The following PPL variants were observed in gnomAD, a reference collection of about 807,000 sequenced individuals.
The protein encoded by PPL is periplakin.
A neutral mutation model predicts 194.4 loss-of-function variants in PPL; 198 were observed. That is an observed-to-expected ratio of 1.02 (90% confidence interval 0.91 to 1.15). The LOEUF (loss-of-function observed/expected upper bound fraction) is 1.15. PPL is among the 50% of genes most tolerant of loss of function. The probability of loss-of-function intolerance (pLI) is 0.00; values close to 1 mark genes in which losing one functional copy is unlikely to be tolerated. For missense variants in PPL, 2,885 were observed against 2,294.8 expected, an observed-to-expected ratio of 1.26 and a Z score of -5.25; for synonymous variants, 1,220 against 972.4, an observed-to-expected ratio of 1.25 and a Z score of -4.74.
intron 11 of PPL, 97 bp downstream of exon 11, chr16:4,895,164 G>A (rs980466902): frequency 1.0e-5 from 14 of 1,400,506 alleles, no homozygotes; most frequent in African/African-American, 4.3e-5. Context: ...ACGGAGACAG[G>A]CACAGGCTCC....
At chr16:4,921,210 A>AAATGGAAC (rs1447019803) in intron 1 of PPL, among the ~76,000 whole-genome samples, 14 of 152,224 alleles carry the variant, frequency 9.2e-5, no homozygotes, top group African/African-American at 2.9e-4. Context: ...AAGCAAGGAA[A>AAATGGAAC]AATGGAACCA....
chr16:4,897,842 A>G (rs1056699083), intron 8 of PPL, 72 bp from the exon 9 acceptor site: 8 of 1,293,216 alleles, frequency 6.2e-6, no homozygotes, highest in African/African-American at 1.5e-5. Flanking sequence ...CTGCTGGGAT[A>G]TTGGGCTGGG....
Position 4,884,484 on chromosome 16 carries a change from G to GCCGCAGCTCTGC in PPL, c.4159_4170dup (p.Ala1387_Arg1390dup), listed in dbSNP as rs1487937338. The GCCGCAGCTCTGC allele has an allele frequency of 1.3e-5, 21 of 1,603,634 alleles. No individual in the cohort carries two copies. Among genetic ancestry groups the GCCGCAGCTCTGC allele is most frequent in the East Asian group, 1.1e-4 (5 of 44,812 alleles). On this transcript the variant is annotated inframe_insertion, in exon 22 of 22. Transcript: ENST00000345988. This position sits in a 1 kb window ranked among gnomAD's most constrained non-coding sequence, Gnocchi z 5.7. ...AGCTCGGTGCGCCGGCGCTGCAGCC[G>GCCGCAGCTCTGC]CCGCAGCTCTGCCCGCAGCTTGTCA...
chr16:4,899,475 C>G (rs7188437), intron 6 of PPL, 91 bp from the exon 7 acceptor site: 1,245 of 704,688 alleles, frequency 1.8e-3, no homozygotes, highest in Admixed American at 5.8e-3. Context: ...CCAGCTATGG[C>G]TGGCCTGAGG....
chr16:4,899,179 C>T, intron 7 of PPL, 44 bp downstream of exon 7: 1 of 1,613,592 alleles, frequency 6.2e-7, no homozygotes, highest in Non-Finnish European at 8.5e-7. Flanking sequence ...CGTGCTCCTT[C>T]CAGGGCTGCC....
chr16:4,929,112 T>G (rs2089196527), intron 1 of PPL, among the ~76,000 whole-genome samples: 1 of 145,978 alleles, frequency 6.9e-6, no homozygotes, highest in Admixed American at 6.9e-5. Flanking sequence ...GAGCTGAGGG[T>G]AGAATTTATC....
At chr16:4,894,030 A>G (rs1288089302) in intron 12 of PPL, among the ~76,000 whole-genome samples, 1 of 152,132 alleles carries the variant, frequency 6.6e-6, no homozygotes, top group Non-Finnish European at 1.5e-5. Flanking sequence ...CCCTGGAGAG[A>G]GGAAATTCAA....
intron 1 of PPL, among the ~76,000 whole-genome samples, chr16:4,918,080 G>A (rs908549931): frequency 6.6e-6 from 1 of 151,750 alleles, no homozygotes; most frequent in Non-Finnish European, 1.5e-5. Flanking sequence ...ATCACCTGAG[G>A]TCAGGAGTTC....
chr16:4,934,001 C>A (rs2089259822), intron 1 of PPL, among the ~76,000 whole-genome samples: 1 of 152,246 alleles, frequency 6.6e-6, no homozygotes, highest in Admixed American at 6.5e-5. Flanking sequence ...CAGGCAGGCA[C>A]CGTGCTTATT....
rs760209621 is a variant in PPL at position 4,885,244 on chromosome 16, A to G, written c.3411T>C (p.Tyr1137=). Residue 1137 remains tyrosine, a synonymous_variant, in exon 22 of 22, where the codon TAT becomes TAC. Coordinates refer to ENST00000345988, the MANE Select transcript of PPL (RefSeq NM_002705.5). This position sits in a 1 kb window ranked among gnomAD's most constrained non-coding sequence, Gnocchi z 6.3. ...CGCGAGCCTTGGCAGCCTCGTCCTC[A>G]TATTGGCGGGTGAGATCGCTGACCT... ...EREVSDLTRQ[Y]EDEAAKARAS... is the part of the protein sequence containing the mutation. 3 of 1,611,722 alleles carry G rather than the reference A, an allele frequency of 1.9e-6. No individual in the cohort carries two copies. The highest frequency in any genetic ancestry group is 2.2e-5 in the East Asian group (1 of 44,694).
At position 4,885,663 on chromosome 16, in the gene PPL, G is replaced by C; in HGVS notation, c.2992C>G (p.Leu998Val). ...TGGGCCCTGTCAGGCTCGATGCGCAGGACCTCCTTGACCACGTACTCCTGC... is the reference window on the plus strand; with the variant it reads ...TGGGCCCTGTCAGGCTCGATGCGCACGACCTCCTTGACCACGTACTCCTGC... ...GGQEYVVKEV[L>V]RIEPDRAQAD... Residue 998 changes from leucine (L) to valine (V), a missense_variant, in exon 22 of 22, where the codon CTG (leucine) becomes GTG (valine). Physicochemically the swap from Leu to Val is conservative, Grantham distance 32. Coordinates refer to ENST00000345988, the MANE Select transcript of PPL (RefSeq NM_002705.5). This position sits in a 1 kb window ranked among gnomAD's most constrained non-coding sequence, Gnocchi z 6.3. 1 of 1,612,932 alleles carries C rather than the reference G, an allele frequency of 6.2e-7. No individual in the cohort carries two copies. Among genetic ancestry groups the C allele is most frequent in the Non-Finnish European group, 8.5e-7 (1 of 1,179,684 alleles).
chr16:4,918,610 T>G (rs1165139741), intron 1 of PPL, among the ~76,000 whole-genome samples: 1 of 152,174 alleles, frequency 6.6e-6, no homozygotes, highest in Non-Finnish European at 1.5e-5. Flanking sequence ...CAGTTACAGA[T>G]GGGGAAATTG....
intron 1 of PPL, among the ~76,000 whole-genome samples, chr16:4,923,517 G>A (rs1219858642): frequency 2.0e-5 from 3 of 152,160 alleles, no homozygotes; most frequent in Admixed American, 6.5e-5. Context: ...TCCCTGGGTG[G>A]GGGTGGCTTC....
chr16:4,883,610 C>T lies in PPL; in HGVS notation c.5045G>A (p.Trp1682Ter). 1 of 1,614,188 alleles carries T rather than the reference C, an allele frequency of 6.2e-7. No individual in the cohort carries two copies. ...EEAHRAGLID[W>*]NMFVKLRSQE... ...GCTTCTGAGTTTCACGAACATGTTC[C>T]AGTCAATGAGCCCGGCACGGTGGGC... Residue 1682 changes from tryptophan (W) to a stop codon, truncating the protein, a stop_gained, in exon 22 of 22, where the codon TGG becomes TAG. Transcript: ENST00000345988. LOFTEE classifies it high-confidence loss of function. This position sits in a 1 kb window ranked among gnomAD's most constrained non-coding sequence, Gnocchi z 4.8.
At chr16:4,899,471 A>G (rs958489826) in intron 6 of PPL, 87 bp from the exon 7 acceptor site, 4 of 1,509,438 alleles carry the variant, frequency 2.6e-6, no homozygotes, top group African/African-American at 1.4e-5. Flanking sequence ...GGGCCCAGCT[A>G]TGGCTGGCCT....
At position 4,892,178 on chromosome 16, in the gene PPL, C is replaced by G; in HGVS notation, c.1686G>C (p.Glu562Asp). ...CGCCCTCAGCCGTGCTCCGCGTCTT[C>G]TCAGGTTCAATCCGCAGTAGCTCGT... ...ITNELLRIEPEKTRSTAEGEA... is the reference protein window; with the variant it reads ...ITNELLRIEPDKTRSTAEGEA... The change falls in exon 15 of 22, where the codon GAG (glutamate) becomes GAC (aspartate). Residue 562 changes from glutamate to aspartate, a missense_variant. By Grantham distance (45) the Glu-to-Asp change is conservative. Coordinates refer to ENST00000345988, the MANE Select transcript of PPL (RefSeq NM_002705.5). 6.2e-7 allele frequency: 1 copy of G among 1,613,744 alleles called. No homozygotes were observed. Among genetic ancestry groups the G allele is most frequent in the African/African-American group, 1.3e-5 (1 of 75,076 alleles).
intron 1 of PPL, among the ~76,000 whole-genome samples, chr16:4,929,666 T>C (rs935972882): frequency 6.6e-6 from 1 of 152,200 alleles, no homozygotes; most frequent in African/African-American, 2.4e-5. Flanking sequence ...ATTTTAGATT[T>C]ACTGGTTCTT....
At chr16:4,912,085 G>A (rs1364039587) in intron 1 of PPL, among the ~76,000 whole-genome samples, 1 of 152,170 alleles carries the variant, frequency 6.6e-6, no homozygotes. Context: ...AAATTCACCT[G>A]TTTAAAATAC....
In PPL at chr16:4,894,434, G is replaced by C. The variant is rs570184296; in HGVS notation, c.1394+33C>G. Reference sequence around the variant, plus strand: ...CCTGAGAAGCCCTGGGGGTGGGACTGGTCCATGCAGACTCCCGCCTTTGCC... The same window carrying C: ...CCTGAGAAGCCCTGGGGGTGGGACTCGTCCATGCAGACTCCCGCCTTTGCC... On this transcript the variant is annotated intron_variant, in intron 12 of 21. Transcript: ENST00000345988. 6.5e-5 allele frequency: 104 copies of C among 1,611,246 alleles called. No individual in the cohort carries two copies. In the South Asian group the frequency reaches 1.0e-3, roughly 16 times the overall value.
Sources: gnomAD v4.1 joint callset for allele counts (sites outside exome capture counted in the v4.1 genomes callset) on GRCh38, gnomAD v4.1.1 for gene constraint, Gnocchi (gnomAD v3.1) non-coding constraint, MANE v1.5 for transcripts, NCBI Gene and HGNC (gene_info 2026-07-23, HGNC 2026-07-21) for gene names.